Variants in NAALADL2 observed in about 807,000 individuals in gnomAD.
The protein encoded by NAALADL2 is inactive N-acetylated-alpha-linked acidic dipeptidase-like protein 2.
NAALADL2 carries 76 observed loss-of-function variants against 87.2 expected under a neutral mutation model. That is an observed-to-expected ratio of 0.87 (90% CI 0.72 to 1.05). The LOEUF is 1.05. NAALADL2 is among the 50% of genes least tolerant of loss of function. The pLI, the probability that NAALADL2 is intolerant of heterozygous loss-of-function variation, is 0.00. For synonymous variants in NAALADL2, 354 were observed against 331.0 expected, an observed-to-expected ratio of 1.07 and a Z score of -0.75; for missense variants, 1,089 against 945.8, an observed-to-expected ratio of 1.15 and a Z score of -1.99.
At chr3:175,465,284 C>T (rs1197454488) in intron 7 of NAALADL2, among the ~76,000 whole-genome samples, 1 of 147,372 alleles carries the variant, frequency 6.8e-6, no homozygotes, top group African/African-American at 2.5e-5. Flanking sequence ...ATTTACATAA[C>T]ATTTTATTTA....
At chr3:175,300,128 G>T (rs1382208048) in intron 4 of NAALADL2, among the ~76,000 whole-genome samples, 1 of 152,206 alleles carries the variant, frequency 6.6e-6, no homozygotes, top group Non-Finnish European at 1.5e-5. Flanking sequence ...TGCATCCCTG[G>T]TATGAAGCTG....
At chr3:175,564,180 T>G in intron 9 of NAALADL2, among the ~76,000 whole-genome samples, 1 of 152,134 alleles carries the variant, frequency 6.6e-6, no homozygotes, top group East Asian at 1.9e-4. Flanking sequence ...ACGAATTACC[T>G]CTAAAAAACC....
intron 2 of NAALADL2, among the ~76,000 whole-genome samples, chr3:175,183,845 T>C (rs1736951465): frequency 6.6e-6 from 1 of 152,120 alleles, no homozygotes; most frequent in South Asian, 2.1e-4. Flanking sequence ...CTATTATTTC[T>C]TACTTTGTTG....
Position 174,656,685 on chromosome 3 carries a change from A to G in NAALADL2, c.-114-80956A>G, listed in dbSNP as rs186681748. Among the ~76,000 whole-genome samples, 322 of 152,262 alleles carry G rather than the reference A, an allele frequency of 2.1e-3. 2 individuals carry two copies. The highest frequency in any genetic ancestry group is 7.3e-3 in the African/African-American group (303 of 41,542). ...GTCTTTGCTAAAATTATTATTTAAA[A>G]CTACATTATAAAGCATCTGCTTGCT... On this transcript the variant is annotated intron_variant, in intron 2 of 3. Transcript: ENST00000434257.
intron 2 of NAALADL2, among the ~76,000 whole-genome samples, chr3:175,127,229 C>T (rs574517804): frequency 2.6e-5 from 4 of 152,226 alleles, no homozygotes; most frequent in Non-Finnish European, 2.9e-5. Context: ...ACTTCATTAT[C>T]TCCCGCTACC....
chr3:174,481,015 A>G (rs189209298), intron 1 of NAALADL2, among the ~76,000 whole-genome samples: 36 of 152,238 alleles, frequency 2.4e-4, no homozygotes, highest in African/African-American at 7.9e-4. Flanking sequence ...CTGGGTCCAG[A>G]TTATTCTCCA....
In NAALADL2 at chr3:175,467,157, C is replaced by A; in HGVS notation, c.1506C>A (p.Gly502=). 3.1e-6 allele frequency: 5 copies of A among 1,613,684 alleles called. No individual in the cohort carries two copies. Among genetic ancestry groups the A allele is most frequent in the Non-Finnish European group, 4.2e-6 (5 of 1,179,718 alleles). ...GTTCTTGGGGAGGAACAGCTTTTGG[C>A]AATATTGGCTCATATGAATGGGGAG... The part of the protein sequence containing the change: ...VFCSWGGTAF[G]NIGSYEWGED... Residue 502 remains glycine (G), a synonymous_variant, in exon 8 of 14, where the codon GGC becomes GGA. Transcript: ENST00000454872.
At chr3:175,712,440 G>A (rs751067286) in intron 11 of NAALADL2, among the ~76,000 whole-genome samples, 5 of 151,972 alleles carry the variant, frequency 3.3e-5, no homozygotes, top group Non-Finnish European at 5.9e-5. Context: ...GAGACAAGAA[G>A]GTAAAGTTTA....
chr3:174,827,384 G>A (rs75486619), intron 3 of NAALADL2, among the ~76,000 whole-genome samples: 84 of 152,268 alleles, frequency 5.5e-4, no homozygotes, highest in Middle Eastern at 3.4e-3. Flanking sequence ...CTGAAAGCAT[G>A]GAGGGGAGAG....
intron 2 of NAALADL2, among the ~76,000 whole-genome samples, chr3:174,730,039 T>C (rs116728243): frequency 0.014 from 2,095 of 152,108 alleles, 11 homozygotes; most frequent in Middle Eastern, 0.02. Context: ...TTTATAACAT[T>C]TAGTCTAATT....
At chr3:174,995,265 A>T (rs78176496) in intron 1 of NAALADL2, among the ~76,000 whole-genome samples, 4,106 of 152,282 alleles carry the variant, frequency 0.027, 175 homozygotes, top group African/African-American at 0.093. Flanking sequence ...ATTGGTCAAA[A>T]AGCAAAGGCA....
chr3:175,442,061 C>T (rs1369104149), intron 5 of NAALADL2, among the ~76,000 whole-genome samples: 1 of 152,084 alleles, frequency 6.6e-6, no homozygotes, highest in Non-Finnish European at 1.5e-5. Context: ...CCTGCCTCAG[C>T]CTCCTCCTGA....
chr3:175,408,360 AAATC>A (rs1712823351), intron 5 of NAALADL2, among the ~76,000 whole-genome samples: 1 of 152,208 alleles, frequency 6.6e-6, no homozygotes, highest in East Asian at 1.9e-4. Flanking sequence ...TGCACAACAA[AAATC>A]AAAACATTAT....
At chr3:175,534,075 A>ATTTATAATAAATAAATTAT in intron 9 of NAALADL2, among the ~76,000 whole-genome samples, 2 of 151,348 alleles carry the variant, frequency 1.3e-5, no homozygotes, top group African/African-American at 4.8e-5. Flanking sequence ...TAAATTATTT[A>ATTTATAATAAATAAATTAT]TTATGCCAAG....
At chr3:175,160,416 G>C (rs1437486692) in intron 2 of NAALADL2, among the ~76,000 whole-genome samples, 2 of 110,490 alleles carry the variant, frequency 1.8e-5, no homozygotes, top group Non-Finnish European at 3.4e-5. Context: ...TTGTTGCCCA[G>C]GCTGGAGTGC....
chr3:174,630,190 C>T (rs889994029), intron 2 of NAALADL2, among the ~76,000 whole-genome samples: 2 of 151,930 alleles, frequency 1.3e-5, no homozygotes, highest in Admixed American at 6.6e-5. Context: ...TTAATAACAC[C>T]ATTAAAGCAT....
chr3:174,602,954 C>T (rs1718607990), intron 2 of NAALADL2, among the ~76,000 whole-genome samples: 1 of 152,054 alleles, frequency 6.6e-6, no homozygotes, highest in African/African-American at 2.4e-5. Flanking sequence ...GTTGAACCAT[C>T]ATTACATTCC....
At chr3:174,745,039 T>C (rs1173850571) in intron 3 of NAALADL2, among the ~76,000 whole-genome samples, 1 of 151,500 alleles carries the variant, frequency 6.6e-6, no homozygotes, top group Non-Finnish European at 1.5e-5. Flanking sequence ...CTAAAAGAAC[T>C]AGAGAATTAA....
At chr3:174,523,817 C>T (rs1044178858) in intron 1 of NAALADL2, among the ~76,000 whole-genome samples, 9 of 152,200 alleles carry the variant, frequency 5.9e-5, no homozygotes, top group Admixed American at 4.6e-4. Flanking sequence ...AATATTGCAA[C>T]GTAATTATGT....
Sources: allele counts gnomAD v4.1 joint callset (sites outside exome capture counted in the v4.1 genomes callset), GRCh38; gene constraint gnomAD v4.1.1; transcripts MANE v1.5; gene names NCBI Gene and HGNC (gene_info 2026-07-23, HGNC 2026-07-21).